AGBL4: variants seen among roughly 807,000 people sequenced by gnomAD.
The protein encoded by AGBL4 is cytosolic carboxypeptidase 6.
A neutral mutation model predicts 66.4 loss-of-function variants in AGBL4; 58 were observed. That is an observed-to-expected ratio of 0.87 (90% CI 0.71 to 1.09). AGBL4 has a LOEUF of 1.09. AGBL4 is among the 50% of genes least tolerant of loss of function. The pLI is 0.00. For missense variants in AGBL4, 579 were observed against 631.0 expected, an observed-to-expected ratio of 0.92 and a Z score of 0.88; for synonymous variants, 234 against 222.9, an observed-to-expected ratio of 1.05 and a Z score of -0.44.
intron 6 of AGBL4, among the ~76,000 whole-genome samples, chr1:48,845,654 C>T (rs1004340792): frequency 1.3e-5 from 2 of 152,160 alleles, no homozygotes; most frequent in Admixed American, 1.3e-4. Context: ...TTTATTCCTC[C>T]TGTAACAACC....
At chr1:49,669,859 G>A (rs940826182) in intron 3 of AGBL4, among the ~76,000 whole-genome samples, 1 of 151,978 alleles carries the variant, frequency 6.6e-6, no homozygotes, top group Non-Finnish European at 1.5e-5. Context: ...AGTCTTCAAA[G>A]TGTTTAATCT....
chr1:48,581,364 C>T (rs547043720), intron 11 of AGBL4, among the ~76,000 whole-genome samples: 9 of 152,294 alleles, frequency 5.9e-5, no homozygotes, highest in African/African-American at 2.2e-4. Flanking sequence ...CCAGCATTTT[C>T]TTATTTCATT....
intron 3 of AGBL4, among the ~76,000 whole-genome samples, chr1:49,262,670 G>A (rs1467332780): frequency 6.6e-6 from 1 of 152,118 alleles, no homozygotes; most frequent in African/African-American, 2.4e-5. Flanking sequence ...TGCTGGAGAG[G>A]ATGTGGAGAA....
chr1:49,564,085 G>C (rs894925624), intron 3 of AGBL4, among the ~76,000 whole-genome samples: 1 of 152,134 alleles, frequency 6.6e-6, no homozygotes, highest in African/African-American at 2.4e-5. Context: ...AGATTTTCTA[G>C]TTTATGTGCG....
At chr1:49,898,392 A>C (rs537002701) in intron 1 of AGBL4, among the ~76,000 whole-genome samples, 14 of 152,262 alleles carry the variant, frequency 9.2e-5, no homozygotes, top group Admixed American at 8.5e-4. Flanking sequence ...CATCAGAGAA[A>C]TGCAGGTCAA....
chr1:49,945,114 A>C (rs1333190101), intron 1 of AGBL4, among the ~76,000 whole-genome samples: 1 of 152,132 alleles, frequency 6.6e-6, no homozygotes, highest in Non-Finnish European at 1.5e-5. Flanking sequence ...GAGAAAGAAG[A>C]GAATCGAAAA....
intron 3 of AGBL4, among the ~76,000 whole-genome samples, chr1:49,592,509 CA>C (rs1345971115): frequency 1.3e-5 from 2 of 152,088 alleles, no homozygotes; most frequent in Non-Finnish European, 2.9e-5. Flanking sequence ...GTGGAGTTTG[CA>C]GTGAACCGAG....
At chr1:49,503,905 A>G (rs896829028) in intron 3 of AGBL4, among the ~76,000 whole-genome samples, 1 of 152,144 alleles carries the variant, frequency 6.6e-6, no homozygotes, top group African/African-American at 2.4e-5. Context: ...GCTGGAATGC[A>G]TGAAGACTTT....
intron 11 of AGBL4, among the ~76,000 whole-genome samples, chr1:48,561,812 T>C (rs1270564954): frequency 6.6e-6 from 1 of 152,204 alleles, no homozygotes; most frequent in Non-Finnish European, 1.5e-5. Context: ...CCATCAGCTC[T>C]CCTGTTTCTC....
At chr1:49,459,854 T>G (rs1646472462) in intron 3 of AGBL4, among the ~76,000 whole-genome samples, 1 of 151,780 alleles carries the variant, frequency 6.6e-6, no homozygotes, top group Non-Finnish European at 1.5e-5. Flanking sequence ...TTTGATAGGT[T>G]GTGTCACTAT....
chr1:49,360,079 A>G (rs545691300), intron 3 of AGBL4, among the ~76,000 whole-genome samples: 35 of 152,284 alleles, frequency 2.3e-4, no homozygotes, highest in Admixed American at 2.0e-3. Flanking sequence ...GTTATGGATC[A>G]TCTTTCCACC....
At chr1:48,966,935 C>G (rs1658476971) in intron 5 of AGBL4, among the ~76,000 whole-genome samples, 1 of 151,936 alleles carries the variant, frequency 6.6e-6, no homozygotes, top group South Asian at 2.1e-4. Flanking sequence ...AGGGTCCTCT[C>G]CTTGTCAGAA....
chr1:48,757,468 G>A (rs1050386073), intron 6 of AGBL4, among the ~76,000 whole-genome samples: 1 of 152,178 alleles, frequency 6.6e-6, no homozygotes, highest in African/African-American at 2.4e-5. Context: ...AATGGCCAAG[G>A]CAATGGTAGA....
chr1:48,824,043 C>A (rs907275499), intron 6 of AGBL4, among the ~76,000 whole-genome samples: 1 of 152,136 alleles, frequency 6.6e-6, no homozygotes, highest in African/African-American at 2.4e-5. Context: ...GTCAATAAGA[C>A]TGTGAGCCCT....
intron 4 of AGBL4, among the ~76,000 whole-genome samples, chr1:49,122,552 T>C (rs1379484445): frequency 6.6e-6 from 1 of 152,146 alleles, no homozygotes; most frequent in Non-Finnish European, 1.5e-5. Flanking sequence ...ACTCTTAAAA[T>C]AATACTAATC....
chr1:49,937,467 A>G (rs1275847619), intron 1 of AGBL4, among the ~76,000 whole-genome samples: 1 of 152,112 alleles, frequency 6.6e-6, no homozygotes, highest in African/African-American at 2.4e-5. Flanking sequence ...CAGGAATTGA[A>G]CTCAGCTCTG....
Position 48,749,060 on chromosome 1 carries a change from C to T in AGBL4, c.635-85819G>A, listed in dbSNP as rs369027793. ...CCCCTTTCCAAGGGGGAGAAGCCCA[C>T]CCAGGAAGAAAGAGGTGAAAAAAGC... is the stretch of plus-strand genomic sequence containing the variant. On this transcript the variant is annotated intron_variant, in intron 6 of 13. Transcript: ENST00000371839. 4.6e-5 allele frequency among the ~76,000 whole-genome samples: 7 copies of T among 152,034 alleles called. 1 individual carries two copies. The highest frequency in any genetic ancestry group is 1.7e-4 in the African/African-American group (7 of 41,456).
chr1:49,923,431 G>A (rs1440996094), intron 1 of AGBL4, among the ~76,000 whole-genome samples: 5 of 151,646 alleles, frequency 3.3e-5, no homozygotes, highest in East Asian at 3.9e-4. Context: ...ATGAAGATGT[G>A]ATGATGGTGA....
intron 3 of AGBL4, among the ~76,000 whole-genome samples, chr1:49,492,057 T>C (rs972998006): frequency 1.3e-5 from 2 of 151,938 alleles, no homozygotes; most frequent in Non-Finnish European, 2.9e-5. Context: ...AAATACTTTA[T>C]TGTACTGCTC....
Sources: gnomAD v4.1 joint callset for allele counts (sites outside exome capture counted in the v4.1 genomes callset) on GRCh38, gnomAD v4.1.1 for gene constraint, MANE v1.5 for transcripts, NCBI Gene and HGNC (gene_info 2026-07-23, HGNC 2026-07-21) for gene names.